Variants in SV2A observed in about 807,000 individuals in gnomAD.
SV2A encodes the protein solute carrier family 22 member B1.
In SV2A, 25 loss-of-function variants were observed where a neutral mutation model predicts 78.0. The ratio of observed to expected loss-of-function variants is 0.32; its 90% CI spans 0.23 to 0.45. SV2A has a LOEUF of 0.45. Among genes scored for constraint, SV2A ranks in the 20% least tolerant of loss-of-function variants. SV2A has a pLI of 1.00. For missense variants in SV2A, 752 were observed against 971.5 expected (o/e 0.77, Z 3.00); for synonymous variants, 355 against 384.7 (o/e 0.92, Z 0.90).
Position 149,907,728 on chromosome 1 carries a change from T to A in SV2A, c.1650A>T (p.Thr550=). ...TSSNTFFRNC[T]FINTVFYNTD... is the part of the protein sequence containing the mutation. ...TGTTATAGAACACAGTGTTGATGAA[T>A]GTGCAGTTGCGGAAAAACGTGTTGC... The change falls in exon 10 of 13, where the codon ACA becomes ACT. Residue 550 remains threonine (T), a synonymous_variant. Transcript: ENST00000369146. 1 of 1,614,164 alleles carries A rather than the reference T, an allele frequency of 6.2e-7. No individual in the cohort carries two copies. The highest frequency in any genetic ancestry group is 8.5e-7 in the Non-Finnish European group (1 of 1,180,020).
Position 149,909,261 on chromosome 1 carries a change from G to A in SV2A, c.1310C>T (p.Ser437Phe), listed in dbSNP as rs587672383. ...LGGQVWGNFL[S>F]CFGPEYRRIT... ...GCGCCGATATTCGGGACCAAAACAG[G>A]AGAGAAAATTCCCCCAAACCTACAG... The change falls in exon 8 of 13, where the codon TCC becomes TTC. Residue 437 changes from serine to phenylalanine, a missense_variant. This residue lies in a region of SV2A where 136 missense variants were observed against 132.3 expected (regional missense o/e 1.03). Transcript: ENST00000369146. 1.2e-6 allele frequency: 2 copies of A among 1,613,990 alleles called. No individual in the cohort carries two copies. Among genetic ancestry groups the A allele is most frequent in the South Asian group, 1.1e-5 (1 of 91,076 alleles).
intron 11 of SV2A, 37 bp downstream of exon 11, chr1:149,906,613 C>T: frequency 6.2e-7 from 1 of 1,609,926 alleles, no homozygotes; most frequent in Non-Finnish European, 8.5e-7. Flanking sequence ...AGCCCCTGGC[C>T]CCTACTATCA....
At chr1:149,909,916 A>T (rs2092465013) in intron 5 of SV2A, 26 bp from the exon 6 acceptor site, 1 of 1,611,344 alleles carries the variant, frequency 6.2e-7, no homozygotes, top group African/African-American at 1.3e-5. Flanking sequence ...CAATCCCCAC[A>T]TCCAAGTCAG....
rs1571509547 is a variant in SV2A at position 149,913,788 on chromosome 1, A to G, written c.53T>C (p.Ile18Thr). 23 of 1,613,492 alleles carry G rather than the reference A, an allele frequency of 1.4e-5. No individual in the cohort carries two copies. The highest frequency in any genetic ancestry group is 1.9e-5 in the Non-Finnish European group (23 of 1,179,876). ...CGCATGCTTTTTGACTTCCTTAGCA[A>G]TGTCTTTGGCCCCACGGATGAAAGC... ...RAAFIRGAKD[I>T]AKEVKKHAAK... is the part of the protein sequence containing the mutation. Residue 18 changes from isoleucine to threonine, a missense_variant, in exon 2 of 13, where the codon ATT (isoleucine) becomes ACT (threonine). By Grantham distance (89) the Ile-to-Thr change is moderately conservative. Transcript: ENST00000369146.
At position 149,906,863 on chromosome 1, in the gene SV2A, G is replaced by A. The variant is rs2092441822; in HGVS notation, c.1679-7C>T. The A allele has an allele frequency of 6.2e-7, 1 of 1,614,046 alleles. No homozygotes were observed. Among genetic ancestry groups the A allele is most frequent in the Non-Finnish European group, 8.5e-7 (1 of 1,179,974 alleles). ...AACTTGTACTCGAACAGGTCTGTGG[G>A]CAAAGGCCAAGATAAGCAGGCAGTC... is the stretch of plus-strand genomic sequence containing the variant. On this transcript the variant is annotated splice_polypyrimidine_tract_variant and splice_region_variant and intron_variant, in intron 10 of 12. Coordinates refer to ENST00000369146, the MANE Select transcript of SV2A (RefSeq NM_014849.5).
intron 9 of SV2A, 44 bp downstream of exon 9, chr1:149,907,998 T>C: frequency 1.9e-6 from 3 of 1,600,672 alleles, no homozygotes; most frequent in Non-Finnish European, 2.6e-6. Context: ...AGAGACGAGG[T>C]AGAAGGAACA....
At position 149,913,303 on chromosome 1, in the gene SV2A, C is replaced by A. The variant is rs782745503; in HGVS notation, c.538G>T (p.Gly180Cys). 1 of 1,614,162 alleles carries A rather than the reference C, an allele frequency of 6.2e-7. No homozygotes were observed. The highest frequency in any genetic ancestry group is 1.3e-5 in the African/African-American group (1 of 75,022). Residue 180 changes from glycine (G) to cysteine (C), a missense_variant, in exon 2 of 13, where the codon GGT becomes TGT. Physicochemically the swap from Gly to Cys is radical, Grantham distance 159 (BLOSUM62 -3). Coordinates refer to ENST00000369146, the MANE Select transcript of SV2A (RefSeq NM_014849.5). ...FVLGLALMAD[G>C]VEVFVVGFVL... The stretch of plus-strand genomic sequence containing the variant: ...AAGCCCACCACAAAGACCTCCACAC[C>A]GTCAGCCATCAGCGCCAGACCAAGC...
chr1:149,906,064 A>C (rs1553762699), intron 11 of SV2A, 25 bp from the exon 12 acceptor site: 1 of 1,613,312 alleles, frequency 6.2e-7, no homozygotes, highest in Non-Finnish European at 8.5e-7. Flanking sequence ...GGAGAGAGCA[A>C]CATGAGCCTG....
intron 1 of SV2A, among the ~76,000 whole-genome samples, chr1:149,917,152 C>T (rs587768957): frequency 5.3e-5 from 8 of 152,100 alleles, no homozygotes; most frequent in Non-Finnish European, 7.4e-5. Context: ...CCCTTCCCCC[C>T]ACCCCGGAGC....
In SV2A at chr1:149,906,826, C is replaced by T. The variant is rs148935514; in HGVS notation, c.1709G>A (p.Arg570His). The change falls in exon 11 of 13, where the codon CGT becomes CAT. Residue 570 changes from arginine (R) to histidine (H), a missense_variant. By Grantham distance (29) the Arg-to-His change is conservative (BLOSUM62 0). This residue lies in a region of SV2A where 186 missense variants were observed against 274.6 expected (regional missense o/e 0.68). Coordinates refer to ENST00000369146, the MANE Select transcript of SV2A (RefSeq NM_014849.5). ...DLFEYKFVNS[R>H]LINSTFLHNK... ...GTGCAGGAATGTACTGTTTATCAGA[C>T]GGCTGTTCACAAACTTGTACTCGAA... is the stretch of plus-strand genomic sequence containing the variant. 3.0e-5 allele frequency: 48 copies of T among 1,614,088 alleles called. No homozygotes were observed. The highest frequency in any genetic ancestry group is 6.7e-5 in the Admixed American group (4 of 60,004).
rs1487219041 is a variant in SV2A, at chr1:149,913,407, C to T, written c.434G>A (p.Arg145Gln). The T allele has an allele frequency of 3.7e-6, 6 of 1,614,138 alleles. No individual in the cohort carries two copies. Among genetic ancestry groups the T allele is most frequent in the Non-Finnish European group, 4.2e-6 (5 of 1,180,028 alleles). Residue 145 changes from arginine (R) to glutamine (Q), a missense_variant, in exon 2 of 13, where the codon CGA (arginine) becomes CAA (glutamine). Transcript: ENST00000369146. Reference sequence around the variant, plus strand: ...TTCATACTGTTGGGCCAGTTCTTCTCGTTCTTTCCGTCGTTGTGCCTCCCC... The same window carrying T: ...TTCATACTGTTGGGCCAGTTCTTCTTGTTCTTTCCGTCGTTGTGCCTCCCC... ...GRGEAQRRKE[R>Q]EELAQQYEAI... is the part of the protein sequence containing the mutation.
chr1:149,912,027 C>G (rs781910038), intron 2 of SV2A, 47 bp from the exon 3 acceptor site: 1 of 1,568,622 alleles, frequency 6.4e-7, no homozygotes, highest in East Asian at 2.3e-5. Flanking sequence ...GCAGACACAC[C>G]TTAATTCTCC....
Position 149,910,011 on chromosome 1 carries a change from AC to A in SV2A, c.1090-122del, listed in dbSNP as rs2092465482. 1 of 860,314 alleles carries A rather than the reference AC, an allele frequency of 1.2e-6. No individual in the cohort carries two copies. The highest frequency in any genetic ancestry group is 1.9e-6 in the Non-Finnish European group (1 of 533,764). The allele number at this position is 860,314 out of a possible 1,614,324, so 53.3% of individuals were successfully genotyped here. The stretch of plus-strand genomic sequence containing the variant: ...GACACTAAATGGTTCCCAGCCCTCA[AC>A]CCCACCACCAAGCCCTGACCTATGG... On this transcript the variant is annotated intron_variant, in intron 5 of 12. Transcript: ENST00000369146. This position sits in a 1 kb window ranked among gnomAD's most constrained non-coding sequence, Gnocchi z 4.2.
chr1:149,909,074 G>T (rs2092457953), intron 8 of SV2A, 118 bp downstream of exon 8: 2 of 924,690 alleles, frequency 2.2e-6, no homozygotes, highest in East Asian at 2.5e-5. Flanking sequence ...GATCAGAGGG[G>T]GTCTGCATGG....
chr1:149,914,893 A>G (rs1255146170), intron 1 of SV2A, among the ~76,000 whole-genome samples: 1 of 152,170 alleles, frequency 6.6e-6, no homozygotes, highest in African/African-American at 2.4e-5. Context: ...AATAAATATT[A>G]ATTATTAATT....
intron 11 of SV2A, 21 bp from the exon 12 acceptor site, chr1:149,906,060 A>G (rs1553762695): frequency 1.2e-6 from 2 of 1,613,582 alleles, no homozygotes; most frequent in Admixed American, 1.7e-5. Context: ...GAGAGGAGAG[A>G]GCAACATGAG....
Position 149,905,256 on chromosome 1 carries a change from A to G in SV2A, c.2046-59T>C, listed in dbSNP as rs184661193. On this transcript the variant is annotated intron_variant, in intron 12 of 12. Coordinates refer to ENST00000369146, the MANE Select transcript of SV2A (RefSeq NM_014849.5). Reference sequence around the variant, plus strand: ...AGGTACAGGAGGGAGGCAAAGGAAGAGTGGAGGGCAGGGAAGTGAAGTCCA... The same window carrying G: ...AGGTACAGGAGGGAGGCAAAGGAAGGGTGGAGGGCAGGGAAGTGAAGTCCA... The G allele has an allele frequency of 2.8e-5, 42 of 1,499,890 alleles. No homozygotes were observed. In the East Asian group the frequency reaches 8.0e-4, roughly 29 times the overall value. The allele number at this position is 1,499,890 out of a possible 1,614,324, so 92.9% of individuals were successfully genotyped here. A position where few individuals can be genotyped will look rare whatever the true frequency, so the allele number is the denominator to read the frequency against.
intron 8 of SV2A, 121 bp from the exon 9 acceptor site, chr1:149,908,327 A>G: frequency 1.7e-6 from 2 of 1,211,516 alleles, no homozygotes; most frequent in Non-Finnish European, 2.3e-6. Context: ...AAATGGAGTC[A>G]ACCTCTGTTA....
At chr1:149,905,836 C>T (rs1553762646) in intron 12 of SV2A, 44 bp downstream of exon 12, 1 of 1,605,458 alleles carries the variant, frequency 6.2e-7, no homozygotes, top group Non-Finnish European at 8.5e-7. Context: ...TCACCCCACC[C>T]CTCCCCTGAA....
Sources: gnomAD v4.1 joint callset for allele counts (sites outside exome capture counted in the v4.1 genomes callset) on GRCh38, gnomAD v4.1.1 for gene constraint, gnomAD v4.1.1 regional missense constraint, Gnocchi (gnomAD v3.1) non-coding constraint, MANE v1.5 for transcripts, NCBI Gene and HGNC (gene_info 2026-07-23, HGNC 2026-07-21) for gene names.